PTPRT: variants seen among roughly 807,000 people sequenced by gnomAD.
PTPRT encodes the protein receptor-type tyrosine-protein phosphatase T.
In PTPRT, 56 loss-of-function variants were observed where a neutral mutation model predicts 176.8. The observed-to-expected ratio is 0.32, with a 90% CI of 0.26 to 0.40. The LOEUF (loss-of-function observed/expected upper bound fraction) is 0.40, where lower values mean the gene tolerates loss of function less well. Among genes scored for constraint, PTPRT ranks in the 10% least tolerant of loss-of-function variants. The probability of loss-of-function intolerance (pLI) is 1.00; values close to 1 mark genes in which losing one functional copy is unlikely to be tolerated. For missense variants in PTPRT, 1,540 were observed against 1,908.2 expected, an observed-to-expected ratio of 0.81 and a Z score of 3.60; for synonymous variants, 783 against 739.0, an observed-to-expected ratio of 1.06 and a Z score of -0.96.
At chr20:42,382,327 A>C (rs565799729) in intron 9 of PTPRT, among the ~76,000 whole-genome samples, 1 of 152,288 alleles carries the variant, frequency 6.6e-6, no homozygotes, top group East Asian at 1.9e-4. Context: ...TTTCCTACTG[A>C]GGGAAATGGC....
intron 7 of PTPRT, among the ~76,000 whole-genome samples, chr20:42,631,823 C>T (rs2074413341): frequency 6.6e-6 from 1 of 152,126 alleles, no homozygotes; most frequent in African/African-American, 2.4e-5. Context: ...ACTTGGGGTA[C>T]TCAAACTCTG....
chr20:42,853,454 G>A (rs1453311199), intron 2 of PTPRT, among the ~76,000 whole-genome samples: 1 of 152,136 alleles, frequency 6.6e-6, no homozygotes, highest in Non-Finnish European at 1.5e-5. Context: ...CTCTCAGTCT[G>A]AGGCCAAAGT....
chr20:42,610,884 T>C (rs939853706), intron 7 of PTPRT, among the ~76,000 whole-genome samples: 1 of 152,182 alleles, frequency 6.6e-6, no homozygotes, highest in Non-Finnish European at 1.5e-5. Context: ...ACTAATCTTC[T>C]TTCCGTGTCT....
chr20:42,485,797 G>C (rs2071455534), intron 7 of PTPRT, among the ~76,000 whole-genome samples: 1 of 152,086 alleles, frequency 6.6e-6, no homozygotes, highest in Non-Finnish European at 1.5e-5. Flanking sequence ...TGCCTACCAA[G>C]CTTTTTTATG....
chr20:42,683,118 T>C (rs899664227), intron 6 of PTPRT, among the ~76,000 whole-genome samples: 2 of 152,094 alleles, frequency 1.3e-5, no homozygotes, highest in African/African-American at 4.8e-5. Context: ...TCACTGACCC[T>C]CCAGGTCTGT....
intron 1 of PTPRT, among the ~76,000 whole-genome samples, chr20:42,965,537 A>G (rs990557879): frequency 2.0e-5 from 3 of 152,198 alleles, no homozygotes; most frequent in African/African-American, 7.2e-5. Flanking sequence ...TGTTTAACAA[A>G]CACCTCATGG....
chr20:42,531,501 C>G (rs2072384045), intron 7 of PTPRT, among the ~76,000 whole-genome samples: 1 of 152,214 alleles, frequency 6.6e-6, no homozygotes. Flanking sequence ...AAATCGTCAA[C>G]AGCCATTCTC....
At chr20:42,486,307 C>A (rs2071463401) in intron 7 of PTPRT, among the ~76,000 whole-genome samples, 2 of 152,280 alleles carry the variant, frequency 1.3e-5, no homozygotes, top group African/African-American at 2.4e-5. Context: ...TTTGACTTAG[C>A]CTTCTAAGGA....
intron 16 of PTPRT, among the ~76,000 whole-genome samples, chr20:42,183,076 A>T (rs1459166640): frequency 6.6e-6 from 1 of 152,088 alleles, no homozygotes; most frequent in Non-Finnish European, 1.5e-5. Context: ...TATCACCAAG[A>T]TGATCTTTCT....
the PTPRT span, among the ~76,000 whole-genome samples, chr20:42,062,781 A>G: frequency 6.6e-6 from 1 of 152,142 alleles, no homozygotes; most frequent in African/African-American, 2.4e-5. Flanking sequence ...TTGATTCTCC[A>G]GTACACCTCA....
rs148481309 is a variant in PTPRT at position 43,123,594 on chromosome 20, G to C, written c.88+66052C>G. Among the ~76,000 whole-genome samples the C allele has an allele frequency of 2.0e-5, 3 of 152,298 alleles. No individual in the cohort carries two copies. In the East Asian group the frequency reaches 5.8e-4, roughly 29 times the overall value. On this transcript the variant is annotated intron_variant, in intron 1 of 30. Transcript: ENST00000373187. ...CTCTGAATGGTAGATGAGAAAACTGGAAAGAGCCTGGGACCCTTTCAACTG... is the reference window on the plus strand; with the variant it reads ...CTCTGAATGGTAGATGAGAAAACTGCAAAGAGCCTGGGACCCTTTCAACTG...
intron 6 of PTPRT, among the ~76,000 whole-genome samples, chr20:42,700,103 A>T (rs1001158097): frequency 6.6e-6 from 1 of 152,116 alleles, no homozygotes; most frequent in Non-Finnish European, 1.5e-5. Flanking sequence ...GTCACAAGAG[A>T]TTTGAAAGAT....
At chr20:42,935,401 A>C (rs546156470) in intron 1 of PTPRT, among the ~76,000 whole-genome samples, 16 of 152,056 alleles carry the variant, frequency 1.1e-4, no homozygotes, top group Non-Finnish European at 1.9e-4. Context: ...TGGCGTCCAA[A>C]AGCAATGGGA....
intron 27 of PTPRT, among the ~76,000 whole-genome samples, chr20:42,095,368 C>T (rs1319484072): frequency 6.6e-6 from 1 of 152,214 alleles, no homozygotes; most frequent in African/African-American, 2.4e-5. Context: ...CCTTCTGCTG[C>T]TTTCCCCACA....
At chr20:42,425,385 T>A (rs891951321) in intron 9 of PTPRT, among the ~76,000 whole-genome samples, 1 of 152,200 alleles carries the variant, frequency 6.6e-6, no homozygotes, top group Non-Finnish European at 1.5e-5. Context: ...AATTTTTAAG[T>A]TCCAAATGTA....
chr20:42,378,908 G>C (rs2058673788), intron 9 of PTPRT, among the ~76,000 whole-genome samples: 1 of 152,172 alleles, frequency 6.6e-6, no homozygotes, highest in African/African-American at 2.4e-5. Flanking sequence ...GCCTCATTTA[G>C]AGAAAAAAGA....
At chr20:43,027,752 T>C (rs893036115) in intron 1 of PTPRT, among the ~76,000 whole-genome samples, 1 of 152,180 alleles carries the variant, frequency 6.6e-6, no homozygotes, top group Non-Finnish European at 1.5e-5. Flanking sequence ...TAATTTGTTA[T>C]GGCAGCCCCT....
At chr20:42,777,151 G>T (rs1473269551) in intron 4 of PTPRT, among the ~76,000 whole-genome samples, 1 of 152,250 alleles carries the variant, frequency 6.6e-6, no homozygotes, top group South Asian at 2.1e-4. Flanking sequence ...CTCCAACACA[G>T]AGCAGCCCAA....
At chr20:42,412,219 A>G (rs1413487654) in intron 9 of PTPRT, among the ~76,000 whole-genome samples, 2 of 152,264 alleles carry the variant, frequency 1.3e-5, no homozygotes, top group Admixed American at 6.5e-5. Flanking sequence ...CAGTGGTACA[A>G]AGACAGTTCA....
Sources: allele counts gnomAD v4.1 joint callset (sites outside exome capture counted in the v4.1 genomes callset), GRCh38; gene constraint gnomAD v4.1.1; transcripts MANE v1.5; gene names NCBI Gene and HGNC (gene_info 2026-07-23, HGNC 2026-07-21).